The following GPR153 variants were observed in gnomAD, a reference collection of about 807,000 sequenced individuals.
GPR153 encodes the protein probable G protein-coupled receptor 153.
Under a neutral mutation model 34.1 loss-of-function variants are expected in GPR153, and 27 were observed. The ratio of observed to expected loss-of-function variants is 0.79; its 90% CI spans 0.58 to 1.09. The LOEUF (loss-of-function observed/expected upper bound fraction) is 1.09. Among genes scored for constraint, GPR153 ranks in the 50% least tolerant of loss-of-function variants. GPR153 has a pLI of 0.00. For synonymous variants in GPR153, 408 were observed against 405.4 expected, an observed-to-expected ratio of 1.01 and a Z score of -0.08; for missense variants, 848 against 860.2, an observed-to-expected ratio of 0.99 and a Z score of 0.18.
rs996660547 is a variant in GPR153 at position 6,249,727 on chromosome 1, C to G, written c.1441G>C (p.Gly481Arg). 8.4e-4 allele frequency: 878 copies of G among 1,049,242 alleles called. 1 individual carries two copies. The highest frequency in any genetic ancestry group is 1.3e-3 in the Middle Eastern group (3 of 2,270). 65.0% of individuals were successfully genotyped at this position (1,049,242 alleles called of 1,614,324 possible). ...GPRGARDSPP[G>R]SPRRRPGPGP... ...GGCCCGGGGCGGCGGCGCGGGCTGC[C>G]GGGGGGCGAGTCGCGGGCTCCCCGC... is the stretch of plus-strand genomic sequence containing the variant. The change falls in exon 6 of 6, where the codon GGC (glycine) becomes CGC (arginine). Residue 481 changes from glycine to arginine, a missense_variant. By Grantham distance (125) the Gly-to-Arg change is moderately radical (BLOSUM62 -2). Transcript: ENST00000377893. The surrounding 1 kb of genome is among the most constrained non-coding windows in gnomAD (Gnocchi z 4.3).
chr1:6,249,122 G>A lies in GPR153; in HGVS notation c.*216C>T, dbSNP rs889142288. ...CCAGGCCCGACCTCACTCGGCCCGG[G>A]ACATGCGGTGCCCAGCGCAGTCGTC... On this transcript the variant is annotated 3_prime_UTR_variant, in exon 6 of 6. Transcript: ENST00000377893. This position sits in a 1 kb window ranked among gnomAD's most constrained non-coding sequence, Gnocchi z 4.3. The A allele has an allele frequency of 1.4e-4, 54 of 386,328 alleles. 1 individual carries two copies. The East Asian group carries it at 2.0e-3, about 15-fold the overall frequency. The allele number at this position is 386,328 out of a possible 1,614,324, so 23.9% of individuals were successfully genotyped here. A position where few individuals can be genotyped will look rare whatever the true frequency, so the allele number is the denominator to read the frequency against.
chr1:6,260,100 G>A lies in GPR153; in HGVS notation c.-110+725C>T, dbSNP rs565180493. Reference sequence around the variant, plus strand: ...CTCCGCAAGACATGCGGGCGGGGCCGGGGCGTGACGTCACAGCTCCGGGCC... The same window carrying A: ...CTCCGCAAGACATGCGGGCGGGGCCAGGGCGTGACGTCACAGCTCCGGGCC... On this transcript the variant is annotated intron_variant, in intron 1 of 5. Transcript: ENST00000377893. 1.3e-4 allele frequency among the ~76,000 whole-genome samples: 20 copies of A among 152,304 alleles called. No homozygotes were observed. The South Asian group carries it at 3.9e-3, about 30-fold the overall frequency.
chr1:6,250,696 TC>T (rs1638429214), intron 4 of GPR153, 72 bp from the exon 5 acceptor site: 1 of 476,116 alleles, frequency 2.1e-6, no homozygotes, highest in South Asian at 2.0e-5. Context: ...TGGGAGGGAA[TC>T]CCAGGGATCC....
At position 6,247,399 on chromosome 1, in the gene GPR153, T is replaced by C. The variant is rs1249276526; in HGVS notation, c.*1939A>G. Reference sequence around the variant, plus strand: ...TATTGGGTCCTGTACAGAAGAGAAATGCTCCGTTGTCAAAAAACTACAAAG... The same window carrying C: ...TATTGGGTCCTGTACAGAAGAGAAACGCTCCGTTGTCAAAAAACTACAAAG... On this transcript the variant is annotated 3_prime_UTR_variant, in exon 6 of 6. Coordinates refer to ENST00000377893, the MANE Select transcript of GPR153 (RefSeq NM_207370.4). The C allele has an allele frequency of 6.6e-6, 1 of 152,160 alleles. No individual in the cohort carries two copies. The highest frequency in any genetic ancestry group is 1.5e-5 in the Non-Finnish European group (1 of 68,040). 9.4% of individuals were successfully genotyped at this position (152,160 alleles called of 1,614,324 possible). A position where few individuals can be genotyped will look rare whatever the true frequency, so the allele number is the denominator to read the frequency against.
At position 6,248,112 on chromosome 1, in the gene GPR153, C is replaced by A. The variant is rs990817829; in HGVS notation, c.*1226G>T. 1 of 152,434 alleles carries A rather than the reference C, an allele frequency of 6.6e-6. No individual in the cohort carries two copies. 9.4% of individuals were successfully genotyped at this position (152,434 alleles called of 1,614,324 possible). A position where few individuals can be genotyped will look rare whatever the true frequency, so the allele number is the denominator to read the frequency against. Reference sequence around the variant, plus strand: ...TGGAGGAGACAGCCTTCTCATCTACCCTATTTCACTAGCTCAAGGTTATAG... The same window carrying A: ...TGGAGGAGACAGCCTTCTCATCTACACTATTTCACTAGCTCAAGGTTATAG... On this transcript the variant is annotated 3_prime_UTR_variant, in exon 6 of 6. Coordinates refer to ENST00000377893, the MANE Select transcript of GPR153 (RefSeq NM_207370.4).
At chr1:6,260,271 G>C (rs1399733788) in intron 1 of GPR153, among the ~76,000 whole-genome samples, 5 of 151,654 alleles carry the variant, frequency 3.3e-5, no homozygotes, top group East Asian at 3.9e-4. Flanking sequence ...CACGGGGCCC[G>C]GCCTGGCCGT....
rs1294081582 is a variant in GPR153 at position 6,260,930 on chromosome 1, T to A, written c.-215A>T. On this transcript the variant is annotated 5_prime_UTR_variant, in exon 1 of 6. Transcript: ENST00000377893. ...CGCAGGCCGCCGAGGGCCGCGGGGG[T>A]GGCTGGCGGCGGAGCGGCCCGCGGG... is the stretch of plus-strand genomic sequence containing the variant. 2 of 145,894 alleles carry A rather than the reference T, an allele frequency of 1.4e-5. No individual in the cohort carries two copies. The highest frequency in any genetic ancestry group is 4.9e-5 in the African/African-American group (2 of 40,440). The allele number at this position is 145,894 out of a possible 1,614,324, so 9.0% of individuals were successfully genotyped here.
intron 5 of GPR153, 130 bp downstream of exon 5, chr1:6,250,310 G>C: frequency 6.9e-7 from 1 of 1,447,306 alleles, no homozygotes; most frequent in Non-Finnish European, 9.1e-7. Context: ...TGGACAGCCC[G>C]TCCTCGGATG....
In GPR153 at chr1:6,249,896, CA is replaced by C; in HGVS notation, c.1271del (p.Leu424ArgfsTer82). 1 of 1,295,112 alleles carries C rather than the reference CA, an allele frequency of 7.7e-7. No homozygotes were observed. The highest frequency in any genetic ancestry group is 2.7e-5 in the South Asian group (1 of 37,314). 80.2% of individuals were successfully genotyped at this position (1,295,112 alleles called of 1,614,324 possible). A position where few individuals can be genotyped will look rare whatever the true frequency, so the allele number is the denominator to read the frequency against. On this transcript the variant is annotated frameshift_variant, in exon 6 of 6. Coordinates refer to ENST00000377893, the MANE Select transcript of GPR153 (RefSeq NM_207370.4). LOFTEE classifies it low-confidence loss of function (END_TRUNC). This position sits in a 1 kb window ranked among gnomAD's most constrained non-coding sequence, Gnocchi z 4.3. The stretch of plus-strand genomic sequence containing the variant: ...GCCCGGCAGGCAGCACCAGGTGCGC[CA>C]GGGCGGCCAGGTCCTCGCCGGAGCC... ...RWGSGEDLAA[L>X]AHLVLPAGPE...
chr1:6,259,504 T>TC (rs1021743104), intron 1 of GPR153, among the ~76,000 whole-genome samples: 3 of 151,128 alleles, frequency 2.0e-5, no homozygotes, highest in Non-Finnish European at 4.4e-5. Context: ...GGCATTTTTT[T>TC]TTTTTTTGTC....
rs536630256 is a variant in GPR153 at position 6,252,304 on chromosome 1, C to T, written c.787-774G>A. On this transcript the variant is annotated intron_variant, in intron 3 of 5. Transcript: ENST00000377893. ...GCCATGCTCTAGAGGGTGAAGACTC[C>T]GGACGCTTTATAACAGCAGCATGGA... Among the ~76,000 whole-genome samples, 83 of 152,254 alleles carry T rather than the reference C, an allele frequency of 5.5e-4. No homozygotes were observed. In the South Asian group the frequency reaches 7.3e-3, roughly 13 times the overall value.
rs1638351713 is a variant in GPR153, at chr1:6,248,497, T to G, written c.*841A>C. Reference sequence around the variant, plus strand: ...ATGAGGGTGGGGACACTAATGGTGGTCAAGGTGGCTCAGGTGCCATTGGTG... The same window carrying G: ...ATGAGGGTGGGGACACTAATGGTGGGCAAGGTGGCTCAGGTGCCATTGGTG... On this transcript the variant is annotated 3_prime_UTR_variant, in exon 6 of 6. Transcript: ENST00000377893. The G allele has an allele frequency of 6.6e-6, 1 of 152,290 alleles. No homozygotes were observed. The highest frequency in any genetic ancestry group is 2.1e-4 in the South Asian group (1 of 4,810). The allele number at this position is 152,290 out of a possible 1,614,324, so 9.4% of individuals were successfully genotyped here.
intron 2 of GPR153, 44 bp downstream of exon 2, chr1:6,254,506 C>T (rs765852798): frequency 1.3e-5 from 19 of 1,475,312 alleles, no homozygotes; most frequent in South Asian, 5.3e-5. Flanking sequence ...TTTGTTTTCA[C>T]GCCTGCTTAG....
intron 1 of GPR153, among the ~76,000 whole-genome samples, chr1:6,257,678 ACT>A (rs1362508015): frequency 6.6e-6 from 1 of 152,270 alleles, no homozygotes; most frequent in Admixed American, 6.5e-5. Context: ...CCAGAGCTTG[ACT>A]CTGAAGTCAG....
chr1:6,250,085 C>T (rs1317602263), intron 5 of GPR153, 82 bp from the exon 6 acceptor site: 1 of 1,279,104 alleles, frequency 7.8e-7, no homozygotes, highest in Non-Finnish European at 9.9e-7. Flanking sequence ...GGGGAAAGGC[C>T]TTCCGTGGGT....
intron 1 of GPR153, among the ~76,000 whole-genome samples, chr1:6,255,642 G>GTTTTTTTTTTTTT (rs59403526): frequency 1.0e-4 from 4 of 38,848 alleles, no homozygotes; most frequent in African/African-American, 3.8e-4. Context: ...GCCTGGCTAC[G>GTTTTTTTTTTTTT]TTTTTTTTTT....
Position 6,251,939 on chromosome 1 carries a change from G to A in GPR153, c.787-409C>T, listed in dbSNP as rs1638457883. ...GCCTCCCAAAGTGCTGGGATTACGG[G>A]TATGAATCACTGTGCCCGGCTGCCA... is the stretch of plus-strand genomic sequence containing the variant. On this transcript the variant is annotated intron_variant, in intron 3 of 5. Coordinates refer to ENST00000377893, the MANE Select transcript of GPR153 (RefSeq NM_207370.4). This position sits in a 1 kb window ranked among gnomAD's most constrained non-coding sequence, Gnocchi z 4.9. Among the ~76,000 whole-genome samples, 1 of 152,168 alleles carries A rather than the reference G, an allele frequency of 6.6e-6. No individual in the cohort carries two copies. The highest frequency in any genetic ancestry group is 2.1e-4 in the South Asian group (1 of 4,830).
At chr1:6,256,975 A>T (rs866111500) in intron 1 of GPR153, among the ~76,000 whole-genome samples, 5 of 152,254 alleles carry the variant, frequency 3.3e-5, no homozygotes, top group Middle Eastern at 6.8e-3. Context: ...CATGTCCCTG[A>T]CACCCAGGGG....
chr1:6,253,364 TC>T (rs1483101360), intron 3 of GPR153, among the ~76,000 whole-genome samples: 1 of 152,062 alleles, frequency 6.6e-6, no homozygotes, highest in African/African-American at 2.4e-5. Flanking sequence ...CCATTGCACA[TC>T]CAGCCTGGGC....
Sources: gnomAD v4.1 joint callset for allele counts (sites outside exome capture counted in the v4.1 genomes callset) on GRCh38, gnomAD v4.1.1 for gene constraint, Gnocchi (gnomAD v3.1) non-coding constraint, MANE v1.5 for transcripts, NCBI Gene and HGNC (gene_info 2026-07-23, HGNC 2026-07-21) for gene names.